The following TMC5 variants were observed in gnomAD, a reference collection of about 807,000 sequenced individuals.
TMC5 encodes the protein transmembrane channel-like protein 5.
TMC5 carries 86 observed loss-of-function variants against 110.5 expected under a neutral mutation model. The ratio of observed to expected loss-of-function variants is 0.78; its 90% CI spans 0.65 to 0.93. The LOEUF is 0.93. Among genes scored for constraint, TMC5 ranks in the 40% least tolerant of loss-of-function variants. The probability of loss-of-function intolerance (pLI) is 0.00; values close to 1 mark genes in which losing one functional copy is unlikely to be tolerated. For missense variants in TMC5, 1,144 were observed against 1,222.8 expected (o/e 0.94, Z 0.96); for synonymous variants, 455 against 439.5 (o/e 1.04, Z -0.44).
intron 3 of TMC5, among the ~76,000 whole-genome samples, chr16:19,441,373 G>A (rs1200997178): frequency 6.6e-6 from 1 of 150,516 alleles, no homozygotes; most frequent in East Asian, 2.0e-4. Context: ...AGGTTGGAGT[G>A]CAGTGGCACA....
chr16:19,433,120 G>A (rs1967228797), intron 2 of TMC5, among the ~76,000 whole-genome samples: 1 of 152,096 alleles, frequency 6.6e-6, no homozygotes, highest in Non-Finnish European at 1.5e-5. Flanking sequence ...TATCAGTCAG[G>A]CTAGTCTAAA....
chr16:19,432,886 ATG>A (rs1189238719), intron 2 of TMC5, among the ~76,000 whole-genome samples: 4 of 152,112 alleles, frequency 2.6e-5, no homozygotes, highest in African/African-American at 9.7e-5. Context: ...GTGTTTTTGT[ATG>A]TGTGTTCTAT....
At chr16:19,435,223 G>A (rs183440603) in intron 2 of TMC5, among the ~76,000 whole-genome samples, 2 of 152,104 alleles carry the variant, frequency 1.3e-5, no homozygotes, top group East Asian at 3.9e-4. Flanking sequence ...CAGGCGCAGT[G>A]GCTCACACCT....
At chr16:19,434,473 T>C (rs1967295466) in intron 2 of TMC5, among the ~76,000 whole-genome samples, 2 of 72,808 alleles carry the variant, frequency 2.7e-5, no homozygotes, top group Non-Finnish European at 5.1e-5. Context: ...TATAGATAGA[T>C]AGATAGATAG....
intron 15 of TMC5, among the ~76,000 whole-genome samples, chr16:19,484,953 A>G (rs938048626): frequency 6.6e-6 from 1 of 151,914 alleles, no homozygotes; most frequent in Non-Finnish European, 1.5e-5. Flanking sequence ...CAAGAAGATA[A>G]TATAATGACA....
Position 19,450,676 on chromosome 16 carries a change from T to C in TMC5, c.1048+1045T>C, listed in dbSNP as rs564652368. Among the ~76,000 whole-genome samples, 4 of 152,286 alleles carry C rather than the reference T, an allele frequency of 2.6e-5. No homozygotes were observed. In the East Asian group the frequency reaches 5.8e-4, roughly 22 times the overall value. On this transcript the variant is annotated intron_variant, in intron 5 of 21. Coordinates refer to ENST00000542583, the MANE Select transcript of TMC5 (RefSeq NM_001261841.2). ...GCTTCCTCCCTGGGTCCATCTCTAA[T>C]GCGGGGGAAGGACTCTGGCCAGTCT...
intron 18 of TMC5, among the ~76,000 whole-genome samples, 189 bp downstream of exon 18, chr16:19,490,757 T>TC (rs1555486656): frequency 5.1e-5 from 3 of 59,022 alleles, no homozygotes; most frequent in East Asian, 2.4e-4. Flanking sequence ...CTTCCTTCCT[T>TC]CCTTCCCTTC....
intron 17 of TMC5, among the ~76,000 whole-genome samples, chr16:19,489,776 C>T (rs567582828): frequency 1.3e-4 from 20 of 150,748 alleles, no homozygotes; most frequent in African/African-American, 4.9e-4. Context: ...AGCCACCATA[C>T]TTGTCTTTAA....
rs892221055 is a variant in TMC5 at position 19,463,352 on chromosome 16, G to A, written c.1221G>A (p.Leu407=). The change falls in exon 7 of 22, where the codon CTG becomes CTA. Residue 407 remains leucine, a synonymous_variant. Coordinates refer to ENST00000542583, the MANE Select transcript of TMC5 (RefSeq NM_001261841.2). ...AGCTCAATTGCTGTATTCAGTGTCT[G>A]AACTCCATTTCCCGGGTAAGTCAGT... The part of the protein sequence containing the change: ...ILQLNCCIQC[L]NSISRAYRRS... The A allele has an allele frequency of 1.9e-6, 3 of 1,613,586 alleles. No homozygotes were observed. The Admixed American group carries it at 5.0e-5, about 27-fold the overall frequency.
chr16:19,416,802 G>A (rs1199517383), upstream of TMC5, among the ~76,000 whole-genome samples: 1 of 152,120 alleles, frequency 6.6e-6, no homozygotes, highest in African/African-American at 2.4e-5. Context: ...ATAGAAAAAT[G>A]TGGCCAGGCG....
intron 1 of TMC5, among the ~76,000 whole-genome samples, chr16:19,427,981 G>A (rs914436374): frequency 6.6e-6 from 1 of 152,084 alleles, no homozygotes; most frequent in African/African-American, 2.4e-5. Flanking sequence ...AGGCCTGTGA[G>A]CTTCACCCAC....
intron 5 of TMC5, among the ~76,000 whole-genome samples, chr16:19,453,134 T>A (rs1339405355): frequency 1.3e-5 from 2 of 151,922 alleles, no homozygotes. Context: ...TTGTGTTGAA[T>A]CTGATTCACA....
chr16:19,463,843 T>C lies in TMC5; in HGVS notation c.1304T>C (p.Leu435Pro). The stretch of plus-strand genomic sequence containing the variant: ...TCCATCAGCCTGTGGCAGAAGACGC[T>C]GAAGATCATTGGAGGCAAGTTTGGA... ...LNSISLWQKT[L>P]KIIGGKFGTS... is the part of the protein sequence containing the mutation. Residue 435 changes from leucine to proline, a missense_variant, in exon 8 of 22, where the codon CTG becomes CCG. By Grantham distance (98) the Leu-to-Pro change is moderately conservative. Transcript: ENST00000542583. The C allele has an allele frequency of 6.2e-7, 1 of 1,614,214 alleles. No individual in the cohort carries two copies. Among genetic ancestry groups the C allele is most frequent in the Non-Finnish European group, 8.5e-7 (1 of 1,180,032 alleles).
intron 18 of TMC5, among the ~76,000 whole-genome samples, 178 bp downstream of exon 18, chr16:19,490,746 CCTT>C (rs1369239835): frequency 0.016 from 1,149 of 70,022 alleles, 12 homozygotes; most frequent in Non-Finnish European, 0.033. Context: ...TTCCTTCCTT[CCTT>C]CCTTCCTTCC....
At position 19,472,325 on chromosome 16, in the gene TMC5, G is replaced by A. The variant is rs1278235190; in HGVS notation, c.1938+82G>A. On this transcript the variant is annotated intron_variant, in intron 11 of 21. Coordinates refer to ENST00000542583, the MANE Select transcript of TMC5 (RefSeq NM_001261841.2). ...AGGGGAAGGGTGGTGTGCAGCCTAC[G>A]GTTCAACCCAGGATCTATGGCCAGC... is the stretch of plus-strand genomic sequence containing the variant. 1.1e-5 allele frequency: 17 copies of A among 1,512,070 alleles called. No individual in the cohort carries two copies. The East Asian group carries it at 2.1e-4, about 18-fold the overall frequency. The allele number at this position is 1,512,070 out of a possible 1,614,324, so 93.7% of individuals were successfully genotyped here. A position where few individuals can be genotyped will look rare whatever the true frequency, so the allele number is the denominator to read the frequency against.
At chr16:19,466,033 C>A in intron 8 of TMC5, 49 bp from the exon 9 acceptor site, 1 of 1,595,928 alleles carries the variant, frequency 6.3e-7, no homozygotes, top group Admixed American at 1.7e-5. Flanking sequence ...AATCGTTTAC[C>A]TTTTTTTTCA....
chr16:19,434,429 T>C (rs1325789518), intron 2 of TMC5, among the ~76,000 whole-genome samples: 3 of 133,454 alleles, frequency 2.2e-5, no homozygotes, highest in Non-Finnish European at 4.6e-5. Flanking sequence ...ATATAATATG[T>C]ATATATCATA....
chr16:19,412,324 A>G (rs1966857638), intron 1 of TMC5, among the ~76,000 whole-genome samples: 1 of 151,208 alleles, frequency 6.6e-6, no homozygotes, highest in Non-Finnish European at 1.5e-5. Context: ...CTCCTGCCTC[A>G]GCCTCCTAAA....
intron 2 of TMC5, among the ~76,000 whole-genome samples, chr16:19,434,463 T>TACAG (rs1567300750): frequency 2.7e-4 from 17 of 63,934 alleles, no homozygotes; most frequent in African/African-American, 8.4e-4. Context: ...TATCTATATC[T>TACAG]ATAGATAGAT....
Sources: gnomAD v4.1 joint callset for allele counts (sites outside exome capture counted in the v4.1 genomes callset) on GRCh38, gnomAD v4.1.1 for gene constraint, MANE v1.5 for transcripts, NCBI Gene and HGNC (gene_info 2026-07-23, HGNC 2026-07-21) for gene names.